Variants in ELMO1 observed in about 807,000 individuals in gnomAD.
ELMO1 encodes the protein engulfment and cell motility protein 1.
A neutral mutation model predicts 98.9 loss-of-function variants in ELMO1; 26 were observed. The observed-to-expected ratio is 0.26, with a 90% CI of 0.19 to 0.36. The LOEUF is 0.36. ELMO1 is among the 10% of genes least tolerant of loss of function. The probability of loss-of-function intolerance (pLI) is 1.00; values close to 1 mark genes in which losing one functional copy is unlikely to be tolerated. For missense variants in ELMO1, 627 were observed against 935.2 expected, an observed-to-expected ratio of 0.67 and a Z score of 4.30; for synonymous variants, 346 against 346.0, an observed-to-expected ratio of 1.00 and a Z score of 0.00.
chr7:36,958,705 G>A (rs983393329), intron 16 of ELMO1, among the ~76,000 whole-genome samples: 4 of 151,950 alleles, frequency 2.6e-5, no homozygotes, highest in Admixed American at 6.6e-5. Flanking sequence ...ACTACAAAAC[G>A]CCACACTTGT....
intron 1 of ELMO1, among the ~76,000 whole-genome samples, chr7:37,364,249 T>C (rs918111583): frequency 1.3e-5 from 2 of 152,218 alleles, no homozygotes; most frequent in African/African-American, 4.8e-5. Flanking sequence ...CCTTTATTAA[T>C]ATAAAATGAG....
chr7:37,013,904 T>C (rs1282855371), intron 15 of ELMO1, among the ~76,000 whole-genome samples: 1 of 152,224 alleles, frequency 6.6e-6, no homozygotes, highest in Non-Finnish European at 1.5e-5. Flanking sequence ...TCCATGATTA[T>C]TTCTCCAGGA....
rs1797056373 is a variant in ELMO1, at chr7:37,280,011, C to T, written c.193-8129G>A. On this transcript the variant is annotated intron_variant, in intron 4 of 21. Transcript: ENST00000310758. ...AGTGGTATAAAAACAGGCACATAGACCAATGGAACAGAATAGAGAACACAG... is the reference window on the plus strand; with the variant it reads ...AGTGGTATAAAAACAGGCACATAGATCAATGGAACAGAATAGAGAACACAG... Among the ~76,000 whole-genome samples, 3 of 152,156 alleles carry T rather than the reference C, an allele frequency of 2.0e-5. No individual in the cohort carries two copies. The South Asian group carries it at 6.2e-4, about 31-fold the overall frequency.
At chr7:37,438,630 A>T (rs1299496654) in intron 1 of ELMO1, among the ~76,000 whole-genome samples, 1 of 152,054 alleles carries the variant, frequency 6.6e-6, no homozygotes, top group African/African-American at 2.4e-5. Context: ...ATCAGTGATA[A>T]TAACCTCAAT....
intron 13 of ELMO1, among the ~76,000 whole-genome samples, chr7:37,164,192 A>T (rs1244457059): frequency 6.6e-6 from 1 of 151,842 alleles, no homozygotes; most frequent in South Asian, 2.1e-4. Context: ...GTTGTTTGTT[A>T]TTTCTTGTAA....
intron 16 of ELMO1, among the ~76,000 whole-genome samples, chr7:36,982,164 G>T (rs1447346142): frequency 6.6e-6 from 1 of 152,194 alleles, no homozygotes; most frequent in African/African-American, 2.4e-5. Context: ...TTTGATGTAT[G>T]TTTGGAACAA....
chr7:37,253,095 G>A (rs186884247), intron 6 of ELMO1, among the ~76,000 whole-genome samples: 2 of 152,316 alleles, frequency 1.3e-5, no homozygotes, highest in East Asian at 1.9e-4. Flanking sequence ...TGAAGAGGAT[G>A]TGGAGAAATG....
intron 4 of ELMO1, among the ~76,000 whole-genome samples, chr7:37,309,019 G>A (rs905191596): frequency 1.2e-4 from 18 of 152,178 alleles, no homozygotes; most frequent in African/African-American, 4.3e-4. Flanking sequence ...AATGCTTGGA[G>A]TCAGGAAACC....
At chr7:37,100,997 C>T (rs1019153428) in intron 14 of ELMO1, among the ~76,000 whole-genome samples, 6 of 152,264 alleles carry the variant, frequency 3.9e-5, no homozygotes, top group Non-Finnish European at 8.8e-5. Context: ...AAACTGCCTT[C>T]AGAGAGTTCG....
Position 37,181,659 on chromosome 7 carries a change from T to C in ELMO1, c.1086+29727A>G, listed in dbSNP as rs184441047. Among the ~76,000 whole-genome samples, 457 of 152,314 alleles carry C rather than the reference T, an allele frequency of 3.0e-3. 4 individuals carry two copies. The highest frequency in any genetic ancestry group is 0.027 in the South Asian group (131 of 4,830). On this transcript the variant is annotated intron_variant, in intron 13 of 21. Transcript: ENST00000310758. ...GTCAAAAAAAGAAAGCAGGAATGTA[T>C]TGCAGTCCTCATATCACAGATGAGT...
intron 5 of ELMO1, chr7:37,270,577 G>A (rs1796497869): frequency 6.6e-6 from 1 of 152,028 alleles, no homozygotes; most frequent in African/African-American, 2.4e-5. Flanking sequence ...GTGTATTTGG[G>A]GCAGATAATT....
At chr7:37,415,625 A>G (rs922103081) in intron 1 of ELMO1, among the ~76,000 whole-genome samples, 1 of 152,258 alleles carries the variant, frequency 6.6e-6, no homozygotes, top group Non-Finnish European at 1.5e-5. Context: ...GGCACATAAT[A>G]AAGGTACAAC....
chr7:37,227,675 G>A (rs985131294), intron 8 of ELMO1, among the ~76,000 whole-genome samples: 3 of 151,926 alleles, frequency 2.0e-5, no homozygotes, highest in African/African-American at 7.3e-5. Context: ...CATGAGCCAC[G>A]GTACCCAGCC....
intron 13 of ELMO1, among the ~76,000 whole-genome samples, chr7:37,136,454 A>G (rs562696157): frequency 9.8e-4 from 150 of 152,314 alleles, no homozygotes; most frequent in African/African-American, 3.6e-3. Flanking sequence ...ACAAAAGAAA[A>G]TCTGAAGAGC....
intron 5 of ELMO1, among the ~76,000 whole-genome samples, chr7:37,267,677 A>G (rs1584895402): frequency 6.6e-6 from 1 of 152,230 alleles, no homozygotes; most frequent in African/African-American, 2.4e-5. Context: ...GTAGATTTTC[A>G]TCTCTAAGAG....
At chr7:37,062,987 G>A (rs905522580) in intron 15 of ELMO1, among the ~76,000 whole-genome samples, 1 of 152,112 alleles carries the variant, frequency 6.6e-6, no homozygotes, top group Non-Finnish European at 1.5e-5. Flanking sequence ...GCATCAGAGA[G>A]GGAATAACAG....
chr7:37,266,331 GATA>G (rs1796240648), intron 5 of ELMO1, among the ~76,000 whole-genome samples: 1 of 152,134 alleles, frequency 6.6e-6, no homozygotes, highest in African/African-American at 2.4e-5. Flanking sequence ...CAATGACTGA[GATA>G]ATACTATTTT....
chr7:37,000,303 T>C (rs1469751234), intron 16 of ELMO1, among the ~76,000 whole-genome samples: 3 of 152,200 alleles, frequency 2.0e-5, no homozygotes, highest in Non-Finnish European at 2.9e-5. Flanking sequence ...AAAATGGAAA[T>C]CTGGCATTAT....
At chr7:37,041,725 G>T (rs1795519468) in intron 15 of ELMO1, among the ~76,000 whole-genome samples, 1 of 152,136 alleles carries the variant, frequency 6.6e-6, no homozygotes. Context: ...GCTGTGCTCG[G>T]TGGTGACCTT....
Sources: allele counts gnomAD v4.1 joint callset (sites outside exome capture counted in the v4.1 genomes callset), GRCh38; gene constraint gnomAD v4.1.1; transcripts MANE v1.5; gene names NCBI Gene and HGNC (gene_info 2026-07-23, HGNC 2026-07-21).